Variants in MARCHF2 observed in about 807,000 individuals in gnomAD.
The protein encoded by MARCHF2 is membrane associated ring-CH-type finger 2, also known as E3 ubiquitin-protein ligase MARCHF2.
A neutral mutation model predicts 24.0 loss-of-function variants in MARCHF2; 22 were observed. The ratio of observed to expected loss-of-function variants is 0.92; its 90% confidence interval spans 0.66 to 1.31. The LOEUF is 1.31. Among genes scored for constraint, MARCHF2 ranks in the 50% most tolerant of loss-of-function variants. The probability of loss-of-function intolerance (pLI) is 0.00; values close to 1 mark genes in which losing one functional copy is unlikely to be tolerated. For synonymous variants in MARCHF2, 154 were observed against 153.0 expected, an observed-to-expected ratio of 1.01 and a Z score of -0.05; for missense variants, 301 against 335.3, an observed-to-expected ratio of 0.90 and a Z score of 0.80.
At chr19:8,425,114 G>A (rs917042887) in intron 2 of MARCHF2, among the ~76,000 whole-genome samples, 1 of 151,994 alleles carries the variant, frequency 6.6e-6, no homozygotes, top group African/African-American at 2.4e-5. Context: ...GGTGGCTCAC[G>A]CCTGTAATCC....
At position 8,436,611 on chromosome 19, in the gene MARCHF2, T is replaced by C. The variant is rs549806050; in HGVS notation, c.583-1777T>C. Reference sequence around the variant, plus strand: ...AGTTGGAGTCATTCAGTATGCAGCATCTTCAGGTTGGTTTATTTCATTTGG... The same window carrying C: ...AGTTGGAGTCATTCAGTATGCAGCACCTTCAGGTTGGTTTATTTCATTTGG... On this transcript the variant is annotated intron_variant, in intron 4 of 4. Coordinates refer to ENST00000215555, the MANE Select transcript of MARCHF2 (RefSeq NM_001005415.2). Among the ~76,000 whole-genome samples the C allele has an allele frequency of 9.9e-5, 15 of 152,010 alleles. 1 individual carries two copies. The South Asian group carries it at 2.9e-3, about 29-fold the overall frequency.
At chr19:8,428,042 C>CTT (rs1440878432) in intron 3 of MARCHF2, among the ~76,000 whole-genome samples, 1 of 151,624 alleles carries the variant, frequency 6.6e-6, no homozygotes, top group Admixed American at 6.6e-5. Flanking sequence ...GGGCGGATCA[C>CTT]GAGGTCAGGA....
intron 3 of MARCHF2, among the ~76,000 whole-genome samples, chr19:8,429,797 C>G (rs1048389510): frequency 7.5e-6 from 1 of 132,646 alleles, no homozygotes; most frequent in African/African-American, 2.8e-5. Flanking sequence ...AACCACCACA[C>G]CAGGGCTTTT....
chr19:8,435,718 T>C (rs1967698101), intron 4 of MARCHF2, among the ~76,000 whole-genome samples: 1 of 151,562 alleles, frequency 6.6e-6, no homozygotes, highest in African/African-American at 2.4e-5. Flanking sequence ...TTTTGTATTT[T>C]TTGTAGAGAC....
chr19:8,436,905 G>T (rs1415042438), intron 4 of MARCHF2, among the ~76,000 whole-genome samples: 1 of 151,652 alleles, frequency 6.6e-6, no homozygotes, highest in Admixed American at 6.6e-5. Context: ...GGTCAGGCTG[G>T]TCTCAAACTC....
chr19:8,414,906 G>T (rs1413883600), intron 1 of MARCHF2, among the ~76,000 whole-genome samples: 1 of 152,178 alleles, frequency 6.6e-6, no homozygotes, highest in South Asian at 2.1e-4. Context: ...AGCATCGGTG[G>T]CATAGCCAGG....
Position 8,430,802 on chromosome 19 carries a change from C to T in MARCHF2, c.517C>T (p.Leu173=), listed in dbSNP as rs1967561572. 6 of 1,611,012 alleles carry T rather than the reference C, an allele frequency of 3.7e-6. No individual in the cohort carries two copies. In the East Asian group the frequency reaches 1.1e-4, roughly 30 times the overall value. Reference sequence around the variant, plus strand: ...GGACCACCTCCGGCTCCACAGCCAGCTGGAGGCCGTGGGTCTCATTGCCCT... The same window carrying T: ...GGACCACCTCCGGCTCCACAGCCAGTTGGAGGCCGTGGGTCTCATTGCCCT... The part of the protein sequence containing the change: ...AQDHLRLHSQ[L]EAVGLIALTI... Residue 173 remains leucine, a synonymous_variant, in exon 4 of 5, where the codon CTG becomes TTG. Transcript: ENST00000215555. The surrounding 1 kb of genome is among the most constrained non-coding windows in gnomAD (Gnocchi z 4.4).
At chr19:8,431,656 G>T (rs1967590005) in intron 4 of MARCHF2, among the ~76,000 whole-genome samples, 1 of 151,614 alleles carries the variant, frequency 6.6e-6, no homozygotes, top group South Asian at 2.1e-4. Context: ...GGCCAACATG[G>T]TGAAACCTTG....
chr19:8,428,969 C>CT lies in MARCHF2; in HGVS notation c.373-1688dup, dbSNP rs1451702130. 2.8e-5 allele frequency among the ~76,000 whole-genome samples: 4 copies of CT among 144,370 alleles called. No homozygotes were observed. The East Asian group carries it at 7.8e-4, about 28-fold the overall frequency. The allele number at this position is 144,370 out of a possible 152,430, so 94.7% of individuals were successfully genotyped here. A position where few individuals can be genotyped will look rare whatever the true frequency, so the allele number is the denominator to read the frequency against. On this transcript the variant is annotated intron_variant, in intron 3 of 4. Transcript: ENST00000215555. The stretch of plus-strand genomic sequence containing the variant: ...AAAAACAAAAACCCTAGAAAAGCCC[C>CT]TGGCCCACCTAGGAGCCAGAGTGTA...
intron 1 of MARCHF2, among the ~76,000 whole-genome samples, chr19:8,417,300 T>C (rs117621296): frequency 0.016 from 2,412 of 152,172 alleles, 31 homozygotes; most frequent in Non-Finnish European, 0.026. Flanking sequence ...AAAAACGAGC[T>C]GGGTGTGGTG....
At chr19:8,421,212 T>G (rs949612484) in intron 1 of MARCHF2, among the ~76,000 whole-genome samples, 4 of 149,982 alleles carry the variant, frequency 2.7e-5, no homozygotes, top group African/African-American at 9.8e-5. Context: ...AACTTCCCCC[T>G]CCTGGGTTCA....
intron 2 of MARCHF2, among the ~76,000 whole-genome samples, chr19:8,425,955 C>T (rs945612946): frequency 7.3e-5 from 11 of 150,412 alleles, no homozygotes; most frequent in Admixed American, 1.3e-4. Flanking sequence ...GGGCCGGGTG[C>T]GGTGGCTCAC....
intron 2 of MARCHF2, among the ~76,000 whole-genome samples, chr19:8,425,682 T>C (rs1967379433): frequency 6.6e-6 from 1 of 151,156 alleles, no homozygotes; most frequent in East Asian, 2.0e-4. Flanking sequence ...AGTGGTGTAA[T>C]CTCGGCTCAC....
In MARCHF2 at chr19:8,438,517, A is replaced by T; in HGVS notation, c.712A>T (p.Lys238Ter). Residue 238 changes from lysine to a stop codon, truncating the protein, a stop_gained, in exon 5 of 5, where the codon AAG becomes TAG. Coordinates refer to ENST00000215555, the MANE Select transcript of MARCHF2 (RefSeq NM_001005415.2). LOFTEE classifies it high-confidence loss of function. Reference protein sequence around the residue: ...QHSPLAAGLLKKVAEETPV With the variant: ...QHSPLAAGLL Reference sequence around the variant, plus strand: ...TTCTCCACTGGCAGCTGGACTCCTGAAGAAGGTGGCAGAGGAGACACCAGT... The same window carrying T: ...TTCTCCACTGGCAGCTGGACTCCTGTAGAAGGTGGCAGAGGAGACACCAGT... 2 of 1,614,032 alleles carry T rather than the reference A, an allele frequency of 1.2e-6. No individual in the cohort carries two copies. Among genetic ancestry groups the T allele is most frequent in the African/African-American group, 1.3e-5 (1 of 74,998 alleles).
intron 4 of MARCHF2, among the ~76,000 whole-genome samples, chr19:8,434,294 A>G (rs1245306164): frequency 1.3e-5 from 2 of 152,110 alleles, no homozygotes; most frequent in East Asian, 3.9e-4. Context: ...CATGTTGGCC[A>G]GGCTGGTCTC....
chr19:8,438,727 GGGTTT>G lies in MARCHF2; in HGVS notation c.*182_*186del. 9.1e-6 allele frequency: 5 copies of G among 548,632 alleles called. No individual in the cohort carries two copies. The highest frequency in any genetic ancestry group is 5.2e-4 in the Middle Eastern group (1 of 1,910). The allele number at this position is 548,632 out of a possible 1,614,324, so 34.0% of individuals were successfully genotyped here. A position where few individuals can be genotyped will look rare whatever the true frequency, so the allele number is the denominator to read the frequency against. On this transcript the variant is annotated 3_prime_UTR_variant, in exon 5 of 5. Transcript: ENST00000215555. Reference sequence around the variant, plus strand: ...GTGATCCTGTGTGAAGATATTTTCAGGGTTTTTTTTTTTTTTTTTTTGCATATGGA... The same window carrying G: ...GTGATCCTGTGTGAAGATATTTTCAGTTTTTTTTTTTTTTTTGCATATGGA...
intron 3 of MARCHF2, among the ~76,000 whole-genome samples, chr19:8,428,886 G>T (rs1967495801): frequency 6.6e-6 from 1 of 151,908 alleles, no homozygotes; most frequent in Non-Finnish European, 1.5e-5. Flanking sequence ...AGTGAGCCAA[G>T]ATTGCACCAC....
chr19:8,415,730 A>C (rs1353192259), intron 1 of MARCHF2, among the ~76,000 whole-genome samples: 4 of 90,592 alleles, frequency 4.4e-5, no homozygotes, highest in African/African-American at 1.7e-4. Flanking sequence ...TCAAAAAAAA[A>C]AAAACAAAAA....
At chr19:8,435,589 A>C (rs1967693511) in intron 4 of MARCHF2, among the ~76,000 whole-genome samples, 1 of 152,108 alleles carries the variant, frequency 6.6e-6, no homozygotes, top group Non-Finnish European at 1.5e-5. Context: ...CTCAGACTGG[A>C]GTGCAGTGGT....
Sources: gnomAD v4.1 joint callset for allele counts (sites outside exome capture counted in the v4.1 genomes callset) on GRCh38, gnomAD v4.1.1 for gene constraint, Gnocchi (gnomAD v3.1) non-coding constraint, MANE v1.5 for transcripts, NCBI Gene and HGNC (gene_info 2026-07-23, HGNC 2026-07-21) for gene names.